The following CNTNAP3 variants were observed in gnomAD, a reference collection of about 807,000 sequenced individuals.
CNTNAP3 encodes the protein contactin associated protein family member 3.
CNTNAP3 carries 36 observed loss-of-function variants against 92.1 expected under a neutral mutation model. The observed-to-expected ratio is 0.39, with a 90% confidence interval of 0.30 to 0.52. The LOEUF is 0.52. Ranked by LOEUF, CNTNAP3 falls within the 20% of genes least tolerant of loss-of-function variation. The pLI, the probability that CNTNAP3 is intolerant of heterozygous loss-of-function variation, is 0.76. For synonymous variants in CNTNAP3, 232 were observed against 422.3 expected (o/e 0.55, Z 5.53); for missense variants, 534 against 1,069.6 (o/e 0.50, Z 6.98).
intron 3 of CNTNAP3, among the ~76,000 whole-genome samples, chr9:39,209,544 G>A (rs1458032368): frequency 1.7e-5 from 1 of 58,872 alleles, no homozygotes; most frequent in Non-Finnish European, 3.3e-5. Flanking sequence ...GCAGCCTCCA[G>A]CCTGGAGAAG....
chr9:39,069,450 C>T lies in CNTNAP3; in HGVS notation c.*4440G>A, dbSNP rs1403724691. Reference sequence around the variant, plus strand: ...GTTAGAAATTTTCATATCGCAAAATCTAAAAGTTCATCTTATGATTTTAAA... The same window carrying T: ...GTTAGAAATTTTCATATCGCAAAATTTAAAAGTTCATCTTATGATTTTAAA... On this transcript the variant is annotated 3_prime_UTR_variant, in exon 24 of 24. Transcript: ENST00000297668. Among the ~76,000 whole-genome samples, 1 of 152,272 alleles carries T rather than the reference C, an allele frequency of 6.6e-6. No individual in the cohort carries two copies. Among genetic ancestry groups the T allele is most frequent in the African/African-American group, 2.4e-5 (1 of 41,448 alleles).
In CNTNAP3 at chr9:39,065,600, G is replaced by T. The variant is rs1252515028; in HGVS notation, c.*8290C>A. ...TTTACATTCCAACAATAATGTATGA[G>T]AATTATAATTGCTCCATATTCTCAA... On this transcript the variant is annotated 3_prime_UTR_variant, in exon 24 of 24. Coordinates refer to ENST00000297668, the MANE Select transcript of CNTNAP3 (RefSeq NM_033655.5). 1.3e-5 allele frequency among the ~76,000 whole-genome samples: 2 copies of T among 152,166 alleles called. No individual in the cohort carries two copies. The highest frequency in any genetic ancestry group is 1.9e-4 in the East Asian group (1 of 5,192).
intron 15 of CNTNAP3, among the ~76,000 whole-genome samples, chr9:39,108,591 C>T (rs1288318359): frequency 6.6e-6 from 1 of 152,192 alleles, no homozygotes; most frequent in Non-Finnish European, 1.5e-5. Flanking sequence ...AAGATTTTTA[C>T]TAGCTTAGTT....
intron 15 of CNTNAP3, among the ~76,000 whole-genome samples, chr9:39,105,354 G>T (rs1826578221): frequency 6.6e-6 from 1 of 152,170 alleles, no homozygotes; most frequent in Non-Finnish European, 1.5e-5. Context: ...GTGAACCCGG[G>T]AGGCGGAGCT....
chr9:39,128,352 T>G (rs1362799828), intron 13 of CNTNAP3, among the ~76,000 whole-genome samples: 1 of 151,438 alleles, frequency 6.6e-6, no homozygotes, highest in Non-Finnish European at 1.5e-5. Flanking sequence ...AATAAAATAT[T>G]AATAAATGAA....
Position 39,132,925 on chromosome 9 carries a change from C to T in CNTNAP3, c.2080+7G>A. The T allele has an allele frequency of 4.5e-6, 7 of 1,542,098 alleles. No individual in the cohort carries two copies. The highest frequency in any genetic ancestry group is 5.2e-6 in the Non-Finnish European group (6 of 1,153,630). ...GAACCCCTGTAGCCTCCAGGAGTGG[C>T]GCTTACCTCGTGAGTCCGGGCGCCG... On this transcript the variant is annotated splice_region_variant and intron_variant, in intron 13 of 23. Transcript: ENST00000297668.
intron 12 of CNTNAP3, among the ~76,000 whole-genome samples, chr9:39,133,737 ATC>A (rs1258182800): frequency 5.3e-5 from 8 of 151,982 alleles, no homozygotes; most frequent in African/African-American, 1.9e-4. Context: ...TTTCTGATGT[ATC>A]TCTGTCACTT....
chr9:39,124,877 T>A (rs1821120066), intron 13 of CNTNAP3, among the ~76,000 whole-genome samples: 1 of 152,074 alleles, frequency 6.6e-6, no homozygotes, highest in Non-Finnish European at 1.5e-5. Context: ...GGAGAGGATG[T>A]GGAGAAATAG....
intron 15 of CNTNAP3, among the ~76,000 whole-genome samples, chr9:39,108,663 A>G (rs1244538535): frequency 6.6e-6 from 1 of 152,150 alleles, no homozygotes; most frequent in Non-Finnish European, 1.5e-5. Context: ...AGTGCCACTG[A>G]GGTGGAGGAG....
In CNTNAP3 at chr9:39,130,487, G is replaced by A. The variant is rs1821254930; in HGVS notation, c.2080+2445C>T. On this transcript the variant is annotated intron_variant, in intron 13 of 23. Transcript: ENST00000297668. ...ACTAGTGGTTATTAACGAGCAATAG[G>A]AGGAATTCTTTTTTTTTTTTTTTTT... is the stretch of plus-strand genomic sequence containing the variant. Among the ~76,000 whole-genome samples the A allele has an allele frequency of 2.7e-5, 4 of 150,572 alleles. No individual in the cohort carries two copies. The South Asian group carries it at 8.3e-4, about 31-fold the overall frequency.
intron 2 of CNTNAP3, among the ~76,000 whole-genome samples, chr9:39,248,565 C>A (rs1488645027): frequency 3.0e-5 from 1 of 33,512 alleles, no homozygotes; most frequent in Non-Finnish European, 6.2e-5. Flanking sequence ...ACATTTTTTA[C>A]ATTTTTGCAT....
Position 39,086,856 on chromosome 9 carries a change from AG to A in CNTNAP3, c.3221-8del, listed in dbSNP as rs1261636644. 6.3e-7 allele frequency: 1 copy of A among 1,594,098 alleles called. No homozygotes were observed. Among genetic ancestry groups the A allele is most frequent in the Admixed American group, 1.7e-5 (1 of 58,052 alleles). On this transcript the variant is annotated splice_polypyrimidine_tract_variant and splice_region_variant and intron_variant, in intron 19 of 23. Transcript: ENST00000297668. ...TACCTAATCTGCAAACTTCCTAAAA[AG>A]AAAAATAAATGGCATTTAAAATTAA...
At chr9:39,150,187 G>A (rs1226070699) in intron 9 of CNTNAP3, among the ~76,000 whole-genome samples, 1 of 151,834 alleles carries the variant, frequency 6.6e-6, no homozygotes, top group African/African-American at 2.4e-5. Context: ...GAAATTATGG[G>A]GGAAAATTCA....
intron 9 of CNTNAP3, among the ~76,000 whole-genome samples, chr9:39,150,819 A>G (rs917320432): frequency 1.0e-5 from 1 of 98,436 alleles, no homozygotes; most frequent in African/African-American, 4.2e-5. Context: ...GGCAATGCTT[A>G]TGACATCACT....
intron 18 of CNTNAP3, among the ~76,000 whole-genome samples, chr9:39,098,311 C>G (rs1176053156): frequency 6.7e-6 from 1 of 150,356 alleles, no homozygotes; most frequent in Non-Finnish European, 1.5e-5. Flanking sequence ...CACACACCCC[C>G]CAAATATATC....
chr9:39,143,199 G>T (rs1163570049), intron 11 of CNTNAP3, among the ~76,000 whole-genome samples: 1 of 150,470 alleles, frequency 6.6e-6, no homozygotes, highest in Non-Finnish European at 1.5e-5. Flanking sequence ...AAAGACAGAT[G>T]ATTTTTAATA....
At chr9:39,117,896 T>A (rs1820897318) in intron 14 of CNTNAP3, 8 of 1,165,680 alleles carry the variant, frequency 6.9e-6, no homozygotes, top group Non-Finnish European at 9.5e-6. Flanking sequence ...AAACACATTA[T>A]ATAGTATTCA....
chr9:39,089,971 G>C (rs563859376), intron 18 of CNTNAP3, among the ~76,000 whole-genome samples: 1 of 151,886 alleles, frequency 6.6e-6, no homozygotes, highest in Non-Finnish European at 1.5e-5. Context: ...ACAGAGTCTC[G>C]CTCTGCTGCC....
At position 39,066,768 on chromosome 9, in the gene CNTNAP3, A is replaced by G. The variant is rs1200086312; in HGVS notation, c.*7122T>C. ...CATCCTTGTTTTTCTTCTCTGTGTA[A>G]GACTTGTCTTTTTCTCTTTACCACA... On this transcript the variant is annotated 3_prime_UTR_variant, in exon 24 of 24. Coordinates refer to ENST00000297668, the MANE Select transcript of CNTNAP3 (RefSeq NM_033655.5). Among the ~76,000 whole-genome samples the G allele has an allele frequency of 1.3e-5, 2 of 152,310 alleles. No homozygotes were observed. The highest frequency in any genetic ancestry group is 4.8e-5 in the African/African-American group (2 of 41,488).
Sources: allele counts gnomAD v4.1 joint callset (sites outside exome capture counted in the v4.1 genomes callset), GRCh38; gene constraint gnomAD v4.1.1; transcripts MANE v1.5; gene names NCBI Gene and HGNC (gene_info 2026-07-23, HGNC 2026-07-21).